The following MAD1L1 variants were observed in gnomAD, a reference collection of about 807,000 sequenced individuals.
The protein encoded by MAD1L1 is mitotic arrest deficient 1 like 1, also known as mitotic spindle assembly checkpoint protein MAD1.
A neutral mutation model predicts 96.9 loss-of-function variants in MAD1L1; 95 were observed. That is an observed-to-expected ratio of 0.98 (90% CI 0.83 to 1.16). The LOEUF (loss-of-function observed/expected upper bound fraction) is 1.16, where lower values mean the gene tolerates loss of function less well. MAD1L1 is among the 50% of genes most tolerant of loss of function. The pLI, the probability that MAD1L1 is intolerant of heterozygous loss-of-function variation, is 0.00. For synonymous variants in MAD1L1, 473 were observed against 396.6 expected (o/e 1.19, Z -2.29); for missense variants, 1,007 against 954.4 (o/e 1.06, Z -0.73).
chr7:1,913,319 C>A (rs1324586248), intron 17 of MAD1L1, among the ~76,000 whole-genome samples: 2 of 151,066 alleles, frequency 1.3e-5, no homozygotes, highest in Non-Finnish European at 3.0e-5. Flanking sequence ...CAGGGAGGAC[C>A]CCTGAGTGCT....
chr7:2,209,166 C>T lies in MAD1L1; in HGVS notation c.986+4046G>A, dbSNP rs565139333. ...CCAGGCCTGTGTGACACATAAGGAC[C>T]TCGTTCCACAGGGTCTTCCCATGGT... On this transcript the variant is annotated intron_variant, in intron 10 of 18. Transcript: ENST00000265854. Among the ~76,000 whole-genome samples the T allele has an allele frequency of 4.6e-5, 7 of 152,332 alleles. No homozygotes were observed. In the East Asian group the frequency reaches 1.3e-3, roughly 29 times the overall value.
intron 17 of MAD1L1, among the ~76,000 whole-genome samples, chr7:1,917,271 C>T (rs1172757972): frequency 6.6e-6 from 1 of 152,220 alleles, no homozygotes; most frequent in East Asian, 1.9e-4. Context: ...TCCCGCTCGG[C>T]TGCCCACCTA....
chr7:2,033,210 A>T (rs1783310901), intron 12 of MAD1L1, among the ~76,000 whole-genome samples: 1 of 152,260 alleles, frequency 6.6e-6, no homozygotes, highest in African/African-American at 2.4e-5. Context: ...TCTCACAGAG[A>T]CAGCCCGGGT....
chr7:1,937,562 C>G (rs987554247), intron 16 of MAD1L1, among the ~76,000 whole-genome samples: 15 of 152,022 alleles, frequency 9.9e-5, no homozygotes, highest in African/African-American at 3.6e-4. Flanking sequence ...AGGGACAGCC[C>G]CCCACAGCAG....
chr7:2,016,663 C>T (rs930130831), intron 12 of MAD1L1, among the ~76,000 whole-genome samples: 19 of 113,350 alleles, frequency 1.7e-4, no homozygotes, highest in African/African-American at 5.9e-4. Flanking sequence ...GAGCTCAGGC[C>T]GCCACGTCTG....
Position 1,878,731 on chromosome 7 carries a change from T to TCC in MAD1L1, c.1998+19467_1998+19468dup, listed in dbSNP as rs35603667. 1.3e-4 allele frequency among the ~76,000 whole-genome samples: 17 copies of TCC among 128,980 alleles called. No homozygotes were observed. The East Asian group carries it at 2.5e-3, about 19-fold the overall frequency. 84.6% of individuals were successfully genotyped at this position (128,980 alleles called of 152,430 possible). ...TAGCATCAGAAACAAGGTAAAAATGTCCCCCCCCCCCCATTCTTATTCAGC... is the reference window on the plus strand; with the variant it reads ...TAGCATCAGAAACAAGGTAAAAATGTCCCCCCCCCCCCCCATTCTTATTCAGC... On this transcript the variant is annotated intron_variant, in intron 18 of 18. Transcript: ENST00000265854.
At chr7:2,087,890 A>G (rs2128543057) in intron 11 of MAD1L1, among the ~76,000 whole-genome samples, 1 of 152,352 alleles carries the variant, frequency 6.6e-6, no homozygotes, top group African/African-American at 2.4e-5. Context: ...CGGCGCTAGC[A>G]GCTGAAGGGA....
At chr7:1,951,363 G>A (rs575621827) in intron 16 of MAD1L1, among the ~76,000 whole-genome samples, 17 of 152,306 alleles carry the variant, frequency 1.1e-4, no homozygotes, top group Admixed American at 5.9e-4. Flanking sequence ...CACCTCAAGC[G>A]CCCTGCCCCT....
chr7:1,901,623 C>G (rs2128443938), intron 17 of MAD1L1, among the ~76,000 whole-genome samples: 1 of 152,348 alleles, frequency 6.6e-6, no homozygotes, highest in South Asian at 2.1e-4. Flanking sequence ...GCCTGCTGGG[C>G]CAGGGGTGCT....
intron 10 of MAD1L1, among the ~76,000 whole-genome samples, chr7:2,185,206 T>G (rs11760514): frequency 6.7e-6 from 1 of 149,034 alleles, no homozygotes; most frequent in Non-Finnish European, 1.5e-5. Context: ...CACACTCTCT[T>G]GCCTCCCCCC....
Position 1,890,072 on chromosome 7 carries a change from G to A in MAD1L1, c.1998+8128C>T, listed in dbSNP as rs116985781. On this transcript the variant is annotated intron_variant, in intron 18 of 18. Transcript: ENST00000265854. ...GGCCCCTCTCTATGGCAAGAATGGGGAATCATCTCCTGGGAGGGGCATGTA... is the reference window on the plus strand; with the variant it reads ...GGCCCCTCTCTATGGCAAGAATGGGAAATCATCTCCTGGGAGGGGCATGTA... Among the ~76,000 whole-genome samples, 175 of 152,370 alleles carry A rather than the reference G, an allele frequency of 1.1e-3. 1 individual carries two copies. Among genetic ancestry groups the A allele is most frequent in the South Asian group, 8.3e-3 (40 of 4,830 alleles).
intron 12 of MAD1L1, among the ~76,000 whole-genome samples, chr7:2,065,812 A>AG (rs1442307243): frequency 6.6e-6 from 1 of 152,046 alleles, no homozygotes; most frequent in African/African-American, 2.4e-5. Context: ...ACAGGGCGGG[A>AG]GGGTGGAGTG....
At chr7:2,202,865 A>G (rs1171206968) in intron 10 of MAD1L1, among the ~76,000 whole-genome samples, 2 of 152,304 alleles carry the variant, frequency 1.3e-5, no homozygotes, top group Non-Finnish European at 1.5e-5. Flanking sequence ...GGCCTCACAC[A>G]TCAGGGAAGC....
intron 17 of MAD1L1, among the ~76,000 whole-genome samples, chr7:1,901,585 GC>G (rs892443176): frequency 7.2e-5 from 11 of 152,252 alleles, no homozygotes; most frequent in African/African-American, 2.2e-4. Context: ...CCCATCCCCT[GC>G]CCAGCCCGGC....
At chr7:1,993,236 A>G (rs1205143979) in intron 14 of MAD1L1, among the ~76,000 whole-genome samples, 2 of 152,158 alleles carry the variant, frequency 1.3e-5, no homozygotes, top group East Asian at 3.9e-4. Flanking sequence ...GGTGACTGAG[A>G]TTCTAAACCA....
At chr7:2,204,267 A>G (rs956808122) in intron 10 of MAD1L1, among the ~76,000 whole-genome samples, 11 of 152,154 alleles carry the variant, frequency 7.2e-5, no homozygotes, top group Non-Finnish European at 1.6e-4. Flanking sequence ...AGTCGCCACT[A>G]AGGAATTTTC....
At chr7:1,887,601 G>A (rs574207481) in intron 18 of MAD1L1, among the ~76,000 whole-genome samples, 16 of 150,728 alleles carry the variant, frequency 1.1e-4, no homozygotes, top group Middle Eastern at 7.0e-3. Flanking sequence ...CCATGCATGC[G>A]TGTATGTGGC....
chr7:1,913,470 G>A (rs963016460), intron 17 of MAD1L1, among the ~76,000 whole-genome samples: 2 of 152,196 alleles, frequency 1.3e-5, no homozygotes, highest in African/African-American at 4.8e-5. Context: ...GGCTCTCTGA[G>A]GCCAAAGGCT....
intron 14 of MAD1L1, among the ~76,000 whole-genome samples, chr7:1,996,526 G>T (rs148728087): frequency 1.3e-5 from 2 of 152,186 alleles, no homozygotes; most frequent in Non-Finnish European, 2.9e-5. Flanking sequence ...GCTCACGGTC[G>T]CCAGATTTCA....
Sources: gnomAD v4.1 joint callset for allele counts (sites outside exome capture counted in the v4.1 genomes callset) on GRCh38, gnomAD v4.1.1 for gene constraint, MANE v1.5 for transcripts, NCBI Gene and HGNC (gene_info 2026-07-23, HGNC 2026-07-21) for gene names.